Variants in ZNF862 observed in about 807,000 individuals in gnomAD.
The protein encoded by ZNF862 is zinc finger protein 862.
In ZNF862, 64 loss-of-function variants were observed where a neutral mutation model predicts 91.1. That is an observed-to-expected ratio of 0.70 (90% CI 0.57 to 0.87). The LOEUF is 0.87. Ranked by LOEUF, ZNF862 falls within the 40% of genes least tolerant of loss-of-function variation. ZNF862 has a pLI of 0.00. For missense variants in ZNF862, 1,459 were observed against 1,528.0 expected, an observed-to-expected ratio of 0.95 and a Z score of 0.75; for synonymous variants, 631 against 618.1, an observed-to-expected ratio of 1.02 and a Z score of -0.31.
rs1210923076 is a variant in ZNF862, at chr7:149,861,083, G to C, written c.1923G>C (p.Gly641=). 1.2e-6 allele frequency: 2 copies of C among 1,612,750 alleles called. No homozygotes were observed. Residue 641 remains glycine (G), a synonymous_variant, in exon 7 of 8, where the codon GGG becomes GGC. Transcript: ENST00000223210. The surrounding 1 kb of genome is among the most constrained non-coding windows in gnomAD (Gnocchi z 6.7). ...ACGCCTCCGAGCAGGCCTGCGTGGGGATTTACATCCGCTACTTCAAGCAGA... is the reference window on the plus strand; with the variant it reads ...ACGCCTCCGAGCAGGCCTGCGTGGGCATTTACATCCGCTACTTCAAGCAGA... ...STDASEQACV[G]IYIRYFKQME...
At chr7:149,846,125 G>C in intron 2 of ZNF862, 26 bp from the exon 3 acceptor site, 1 of 1,511,222 alleles carries the variant, frequency 6.6e-7, no homozygotes, top group Non-Finnish European at 9.1e-7. Context: ...TCTCTCTCTC[G>C]CTCTCTTTTT....
In ZNF862 at chr7:149,838,496, C is replaced by T. The variant is rs1439814789; in HGVS notation, c.-116C>T. 2 of 669,754 alleles carry T rather than the reference C, an allele frequency of 3.0e-6. No homozygotes were observed. Among genetic ancestry groups the T allele is most frequent in the African/African-American group, 1.9e-5 (1 of 53,844 alleles). The allele number at this position is 669,754 out of a possible 1,614,324, so 41.5% of individuals were successfully genotyped here. A position where few individuals can be genotyped will look rare whatever the true frequency, so the allele number is the denominator to read the frequency against. The stretch of plus-strand genomic sequence containing the variant: ...CGAAGTTCTTGGGCCGCGCTCCCTC[C>T]CTACCTGGGTGCCCTCCCCCTCCGG... On this transcript the variant is annotated 5_prime_UTR_variant, in exon 1 of 8. Coordinates refer to ENST00000223210, the MANE Select transcript of ZNF862 (RefSeq NM_001099220.3).
Position 149,838,644 on chromosome 7 carries a change from G to A in ZNF862, c.24+9G>A. The A allele has an allele frequency of 8.2e-7, 1 of 1,225,106 alleles. No individual in the cohort carries two copies. Among genetic ancestry groups the A allele is most frequent in the Non-Finnish European group, 1.0e-6 (1 of 977,334 alleles). 75.9% of individuals were successfully genotyped at this position (1,225,106 alleles called of 1,614,324 possible). On this transcript the variant is annotated intron_variant, in intron 1 of 7. Transcript: ENST00000223210. ...CCAGAGAGTCGGGGAAGGTAGGACT[G>A]GAAGGCCCGGGGGCCGCCCGCTCCC...
At chr7:149,845,433 C>T (rs1402131225) in intron 2 of ZNF862, among the ~76,000 whole-genome samples, 1 of 152,162 alleles carries the variant, frequency 6.6e-6, no homozygotes, top group Non-Finnish European at 1.5e-5. Flanking sequence ...CTGTGTAAGG[C>T]ACGGTAGAAG....
At chr7:149,856,295 G>T (rs1802262987) in intron 5 of ZNF862, 1 of 152,244 alleles carries the variant, frequency 6.6e-6, no homozygotes, top group African/African-American at 2.4e-5. Context: ...TACTGTGGAA[G>T]ATGGAGATAC....
intron 7 of ZNF862, 35 bp downstream of exon 7, chr7:149,862,529 C>T (rs143250735): frequency 2.6e-6 from 4 of 1,538,040 alleles, no homozygotes; most frequent in Non-Finnish European, 3.5e-6. Context: ...CCAAGGCAGC[C>T]TCATGCTGAG....
In ZNF862 at chr7:149,850,854, C is replaced by T. The variant is rs534114653; in HGVS notation, c.1117+516C>T. The T allele has an allele frequency of 9.6e-4, 151 of 156,488 alleles. 1 individual carries two copies. The highest frequency in any genetic ancestry group is 1.8e-3 in the Non-Finnish European group (125 of 70,506). The allele number at this position is 156,488 out of a possible 1,614,324, so 9.7% of individuals were successfully genotyped here. A position where few individuals can be genotyped will look rare whatever the true frequency, so the allele number is the denominator to read the frequency against. ...GGGCATTGAGCCATGATGGAGGGGA[C>T]GGCCTGGCAGAGCCACCCCTATCTG... On this transcript the variant is annotated intron_variant, in intron 5 of 7. Coordinates refer to ENST00000223210, the MANE Select transcript of ZNF862 (RefSeq NM_001099220.3). The surrounding 1 kb of genome is among the most constrained non-coding windows in gnomAD (Gnocchi z 4.2).
chr7:149,866,016 G>A lies in ZNF862; in HGVS notation c.*1732G>A. On this transcript the variant is annotated 3_prime_UTR_variant, in exon 8 of 8. Coordinates refer to ENST00000223210, the MANE Select transcript of ZNF862 (RefSeq NM_001099220.3). ...TGTCTGAGTACCCTTCCCATTCCCA[G>A]GGTAGATGCTGGCGTCCGAGCCCCT... 6.6e-6 allele frequency: 1 copy of A among 151,884 alleles called. No individual in the cohort carries two copies. The highest frequency in any genetic ancestry group is 1.9e-4 in the East Asian group (1 of 5,148). 9.4% of individuals were successfully genotyped at this position (151,884 alleles called of 1,614,324 possible).
At position 149,838,455 on chromosome 7, in the gene ZNF862, C is replaced by G. The variant is rs1801592809; in HGVS notation, c.-157C>G. 1 of 437,458 alleles carries G rather than the reference C, an allele frequency of 2.3e-6. No homozygotes were observed. Among genetic ancestry groups the G allele is most frequent in the Non-Finnish European group, 3.8e-6 (1 of 262,296 alleles). The allele number at this position is 437,458 out of a possible 1,614,324, so 27.1% of individuals were successfully genotyped here. ...TCCTGGGTCCACCGGCGCTACCGCC[C>G]CCCGACGTGAGAGAGCGAAGTTCTT... On this transcript the variant is annotated 5_prime_UTR_variant, in exon 1 of 8. Coordinates refer to ENST00000223210, the MANE Select transcript of ZNF862 (RefSeq NM_001099220.3).
At chr7:149,849,052 C>T (rs1220989846) in intron 4 of ZNF862, among the ~76,000 whole-genome samples, 1 of 152,212 alleles carries the variant, frequency 6.6e-6, no homozygotes, top group Admixed American at 6.5e-5. Context: ...CCTCCTACCT[C>T]ATCCTCCCAA....
rs770120657 is a variant in ZNF862 at position 149,848,326 on chromosome 7, A to G, written c.833A>G (p.Tyr278Cys). ...GGGGATGGAGCAATTCCTGCAATGT[A>G]TCTAGACTGCATTTCAGATTTGAGG... is the stretch of plus-strand genomic sequence containing the variant. ...PGGDGAIPAM[Y>C]LDCISDLRQK... Residue 278 changes from tyrosine (Y) to cysteine (C), a missense_variant, in exon 4 of 8, where the codon TAT becomes TGT. Transcript: ENST00000223210. 4 of 1,608,032 alleles carry G rather than the reference A, an allele frequency of 2.5e-6. No individual in the cohort carries two copies. Among genetic ancestry groups the G allele is most frequent in the South Asian group, 2.2e-5 (2 of 90,022 alleles).
intron 4 of ZNF862, among the ~76,000 whole-genome samples, 172 bp downstream of exon 4, chr7:149,848,604 G>A (rs994325627): frequency 6.6e-6 from 1 of 152,114 alleles, no homozygotes; most frequent in African/African-American, 2.4e-5. Context: ...TTTTAGACGC[G>A]TTCCATGTAT....
Position 149,867,055 on chromosome 7 carries a change from C to T in ZNF862, c.*2771C>T, listed in dbSNP as rs984160234. On this transcript the variant is annotated 3_prime_UTR_variant, in exon 8 of 8. Transcript: ENST00000223210. Reference sequence around the variant, plus strand: ...CCCTCCTCCTTGCCTGTAGTCTTGACAGCATCCGTATGTACGTGTCCTGGC... The same window carrying T: ...CCCTCCTCCTTGCCTGTAGTCTTGATAGCATCCGTATGTACGTGTCCTGGC... 2.6e-5 allele frequency: 4 copies of T among 152,332 alleles called. No homozygotes were observed. The highest frequency in any genetic ancestry group is 1.3e-4 in the Admixed American group (2 of 15,292). 9.4% of individuals were successfully genotyped at this position (152,332 alleles called of 1,614,324 possible).
At chr7:149,840,115 A>G (rs1396435141) in intron 1 of ZNF862, among the ~76,000 whole-genome samples, 1 of 144,700 alleles carries the variant, frequency 6.9e-6, no homozygotes, top group Non-Finnish European at 1.5e-5. Context: ...TGACATCTTC[A>G]TGATCCTGAC....
At chr7:149,860,326 T>C in intron 6 of ZNF862, 57 bp from the exon 7 acceptor site, 1 of 1,508,480 alleles carries the variant, frequency 6.6e-7, no homozygotes, top group African/African-American at 1.4e-5. Flanking sequence ...TCTTAGCTGA[T>C]AGAAGATGGC....
At chr7:149,859,792 G>T in intron 6 of ZNF862, 2 of 426,374 alleles carry the variant, frequency 4.7e-6, no homozygotes, top group South Asian at 3.9e-5. Context: ...GAGCAGGTAC[G>T]TGGGGACACT....
In ZNF862 at chr7:149,861,564, G is replaced by A. The variant is rs1234525485; in HGVS notation, c.2404G>A (p.Val802Met). 3.8e-6 allele frequency: 6 copies of A among 1,596,344 alleles called. No homozygotes were observed. Among genetic ancestry groups the A allele is most frequent in the South Asian group, 1.1e-5 (1 of 89,368 alleles). The change falls in exon 7 of 8, where the codon GTG (valine) becomes ATG (methionine). Residue 802 changes from valine to methionine, a missense_variant. By Grantham distance (21) the Val-to-Met change is conservative. Coordinates refer to ENST00000223210, the MANE Select transcript of ZNF862 (RefSeq NM_001099220.3). The surrounding 1 kb of genome is among the most constrained non-coding windows in gnomAD (Gnocchi z 6.7). ...GAGGCGCACGCTGCACGCGCTGCTCGTGAGCTGGCCCGCCCTGGCCAGGCA... is the reference window on the plus strand; with the variant it reads ...GAGGCGCACGCTGCACGCGCTGCTCATGAGCTGGCCCGCCCTGGCCAGGCA... ...SRRRTLHALL[V>M]SWPALARHLQ...
In ZNF862 at chr7:149,861,477, C is replaced by T. The variant is rs1406237266; in HGVS notation, c.2317C>T (p.Pro773Ser). ...GAACGAGCTGCAGGAAGGTGCGGCG[C>T]CTCTGGAGCAGGAGATCATCCGCCT... ...RLNELQEGAAPLEQEIIRLKD... is the reference protein window; with the variant it reads ...RLNELQEGAASLEQEIIRLKD... The change falls in exon 7 of 8, where the codon CCT (proline) becomes TCT (serine). Residue 773 changes from proline to serine, a missense_variant. Pro to Ser is a moderately conservative substitution (Grantham distance 74, BLOSUM62 -1). Transcript: ENST00000223210. The surrounding 1 kb of genome is among the most constrained non-coding windows in gnomAD (Gnocchi z 6.7). 1.9e-6 allele frequency: 3 copies of T among 1,612,942 alleles called. No individual in the cohort carries two copies. Among genetic ancestry groups the T allele is most frequent in the Admixed American group, 1.7e-5 (1 of 59,920 alleles).
chr7:149,857,586 T>C (rs1802304802), intron 5 of ZNF862, among the ~76,000 whole-genome samples: 1 of 152,214 alleles, frequency 6.6e-6, no homozygotes, highest in African/African-American at 2.4e-5. Flanking sequence ...TTTTCTTAAA[T>C]AATTATCTCT....
Sources: gnomAD v4.1 joint callset for allele counts (sites outside exome capture counted in the v4.1 genomes callset) on GRCh38, gnomAD v4.1.1 for gene constraint, Gnocchi (gnomAD v3.1) non-coding constraint, MANE v1.5 for transcripts, NCBI Gene and HGNC (gene_info 2026-07-23, HGNC 2026-07-21) for gene names.